Variants in EYS observed in about 807,000 individuals in gnomAD.
EYS encodes protein eyes shut homolog.
A neutral mutation model predicts 282.1 loss-of-function variants in EYS; 250 were observed. The ratio of observed to expected loss-of-function variants is 0.89; its 90% CI spans 0.80 to 0.98. The LOEUF (loss-of-function observed/expected upper bound fraction) is 0.98. Among genes scored for constraint, EYS ranks in the 50% least tolerant of loss-of-function variants. EYS has a pLI of 0.00. For synonymous variants in EYS, 1,355 were observed against 1,282.9 expected (o/e 1.06, Z -1.20); for missense variants, 4,016 against 3,709.0 (o/e 1.08, Z -2.15).
intron 22 of EYS, among the ~76,000 whole-genome samples, chr6:64,627,137 G>A (rs1767635809): frequency 6.6e-6 from 1 of 152,106 alleles, no homozygotes; most frequent in African/African-American, 2.4e-5. Flanking sequence ...CAGATTTGTC[G>A]AGTGCCTACA....
At chr6:64,912,844 T>C (rs1426995141) in intron 15 of EYS, 101 bp from the exon 16 acceptor site, 1 of 631,558 alleles carries the variant, frequency 1.6e-6, no homozygotes, top group African/African-American at 1.9e-5. Context: ...GTGGTGCTTT[T>C]AAATTTATAA....
At chr6:65,559,677 G>GATC (rs1768957995) in intron 2 of EYS, among the ~76,000 whole-genome samples, 1 of 151,958 alleles carries the variant, frequency 6.6e-6, no homozygotes, top group African/African-American at 2.4e-5. Flanking sequence ...ACAGTTGAGC[G>GATC]ATCTTCTGAA....
At position 65,363,575 on chromosome 6, in the gene EYS, G is replaced by A. The variant is rs1379316066; in HGVS notation, c.1300-9958C>T. Reference sequence around the variant, plus strand: ...CATACTTGATAACGTTGCCATCTCAGGAAGAGTACATCTTTAACAGGCTAA... The same window carrying A: ...CATACTTGATAACGTTGCCATCTCAAGAAGAGTACATCTTTAACAGGCTAA... On this transcript the variant is annotated intron_variant, in intron 8 of 42. Coordinates refer to ENST00000503581, the MANE Select transcript of EYS (RefSeq NM_001142800.2). 2.0e-5 allele frequency among the ~76,000 whole-genome samples: 3 copies of A among 151,548 alleles called. No homozygotes were observed. The East Asian group carries it at 5.8e-4, about 29-fold the overall frequency.
chr6:64,088,876 AT>A (rs1772254170), intron 31 of EYS, among the ~76,000 whole-genome samples: 1 of 152,018 alleles, frequency 6.6e-6, no homozygotes, highest in Admixed American at 6.6e-5. Flanking sequence ...AAGGCCTTCT[AT>A]TAGCTAACCT....
chr6:64,172,446 C>G (rs989260269), intron 31 of EYS, among the ~76,000 whole-genome samples: 4 of 152,060 alleles, frequency 2.6e-5, no homozygotes, highest in Non-Finnish European at 5.9e-5. Context: ...ATTTTAGTTA[C>G]CACGCGTGAG....
intron 5 of EYS, among the ~76,000 whole-genome samples, chr6:65,425,893 C>G (rs376850968): frequency 1.9e-4 from 29 of 152,118 alleles, no homozygotes; most frequent in East Asian, 9.7e-4. Flanking sequence ...TGTTTTTCAG[C>G]TGTATTTATC....
intron 33 of EYS, among the ~76,000 whole-genome samples, chr6:64,024,695 A>G (rs1769394604): frequency 6.6e-6 from 1 of 152,000 alleles, no homozygotes; most frequent in Non-Finnish European, 1.5e-5. Context: ...CCACGAACTC[A>G]CCGGGAGGAA....
At chr6:65,389,317 A>G (rs1439691226) in intron 7 of EYS, among the ~76,000 whole-genome samples, 2 of 152,116 alleles carry the variant, frequency 1.3e-5, no homozygotes, top group Non-Finnish European at 2.9e-5. Context: ...CTTTCTCCAG[A>G]GCAGTTAGAC....
intron 22 of EYS, among the ~76,000 whole-genome samples, chr6:64,687,013 A>G (rs953337867): frequency 6.7e-6 from 1 of 150,092 alleles, no homozygotes; most frequent in Non-Finnish European, 1.5e-5. Flanking sequence ...AATTCCTAGA[A>G]AAACACAATT....
chr6:65,252,055 T>A (rs915995190), intron 12 of EYS, among the ~76,000 whole-genome samples: 5 of 151,970 alleles, frequency 3.3e-5, no homozygotes, highest in African/African-American at 7.2e-5. Context: ...CGACTCCTAT[T>A]GTTTTTGTTT....
chr6:64,345,537 T>A (rs1771350734), intron 29 of EYS, among the ~76,000 whole-genome samples: 2 of 152,080 alleles, frequency 1.3e-5, no homozygotes, highest in East Asian at 1.9e-4. Flanking sequence ...TTACACCTTA[T>A]ACAAAAATTA....
At chr6:63,795,431 A>T (rs1460144447) in intron 37 of EYS, among the ~76,000 whole-genome samples, 1 of 152,216 alleles carries the variant, frequency 6.6e-6, no homozygotes, top group Non-Finnish European at 1.5e-5. Flanking sequence ...AAAGTAGTTG[A>T]GACAAGAGTG....
intron 12 of EYS, among the ~76,000 whole-genome samples, chr6:65,272,744 AT>A (rs1767939140): frequency 6.6e-6 from 1 of 152,158 alleles, no homozygotes; most frequent in Non-Finnish European, 1.5e-5. Context: ...TATTGAACAA[AT>A]TTAAAACTCA....
intron 28 of EYS, among the ~76,000 whole-genome samples, chr6:64,395,055 A>G (rs1773311659): frequency 6.6e-6 from 1 of 152,246 alleles, no homozygotes; most frequent in South Asian, 2.1e-4. Flanking sequence ...TGGCCATCAG[A>G]GAGATGCAAA....
chr6:64,846,587 T>G (rs1562222849), intron 19 of EYS, among the ~76,000 whole-genome samples: 1 of 152,130 alleles, frequency 6.6e-6, no homozygotes, highest in Non-Finnish European at 1.5e-5. Context: ...AATATAATAT[T>G]ATTCTCAAAA....
At chr6:63,898,155 G>T (rs555936074) in intron 35 of EYS, among the ~76,000 whole-genome samples, 7 of 152,230 alleles carry the variant, frequency 4.6e-5, no homozygotes, top group East Asian at 3.9e-4. Flanking sequence ...TGATATTTGG[G>T]TTTTTTCCTA....
chr6:64,416,225 A>G (rs752984764), intron 28 of EYS, among the ~76,000 whole-genome samples: 19 of 152,212 alleles, frequency 1.2e-4, no homozygotes, highest in Non-Finnish European at 7.4e-5. Context: ...TTTTGCTTGT[A>G]TGATCATTAC....
chr6:65,134,962 GA>G (rs1052162351), intron 12 of EYS, among the ~76,000 whole-genome samples: 6 of 151,962 alleles, frequency 3.9e-5, no homozygotes, highest in Non-Finnish European at 8.8e-5. Flanking sequence ...TCATATGAGT[GA>G]GTGATAGGAG....
chr6:64,296,991 G>T (rs2150370104), intron 30 of EYS, among the ~76,000 whole-genome samples: 1 of 152,250 alleles, frequency 6.6e-6, no homozygotes, highest in South Asian at 2.1e-4. Context: ...AAATTAAATT[G>T]TGATTAATTT....
Sources: allele counts gnomAD v4.1 joint callset (sites outside exome capture counted in the v4.1 genomes callset), GRCh38; gene constraint gnomAD v4.1.1; transcripts MANE v1.5; gene names NCBI Gene and HGNC (gene_info 2026-07-23, HGNC 2026-07-21).